The following CBLC variants were observed in gnomAD, a reference collection of about 807,000 sequenced individuals.
CBLC encodes the protein Cbl proto-oncogene C.
CBLC carries 46 observed loss-of-function variants against 58.6 expected under a neutral mutation model. The ratio of observed to expected loss-of-function variants is 0.79; its 90% CI spans 0.62 to 1.00. The LOEUF (loss-of-function observed/expected upper bound fraction) is 1.00, where lower values mean the gene tolerates loss of function less well. Ranked by LOEUF, CBLC falls within the 50% of genes least tolerant of loss-of-function variation. The probability of loss-of-function intolerance (pLI) is 0.00; values close to 1 mark genes in which losing one functional copy is unlikely to be tolerated. For missense variants in CBLC, 655 were observed against 625.8 expected, an observed-to-expected ratio of 1.05 and a Z score of -0.50; for synonymous variants, 271 against 264.2, an observed-to-expected ratio of 1.03 and a Z score of -0.25.
chr19:44,799,683 A>G (rs562214109), intron 9 of CBLC, among the ~76,000 whole-genome samples: 1 of 150,644 alleles, frequency 6.6e-6, no homozygotes, highest in Non-Finnish European at 1.5e-5. Context: ...AAAAAGAAAG[A>G]AAAGTAAAGA....
chr19:44,791,775 T>C (rs10424785), intron 6 of CBLC, among the ~76,000 whole-genome samples: 13,956 of 150,284 alleles, frequency 0.093, 1,106 homozygotes, highest in African/African-American at 0.21. Context: ...TAGGAGGCCA[T>C]TGGACATGCC....
chr19:44,787,340 G>A (rs907036896), intron 5 of CBLC, among the ~76,000 whole-genome samples: 2 of 152,136 alleles, frequency 1.3e-5, no homozygotes, highest in African/African-American at 4.8e-5. Context: ...CTTGCAGTGA[G>A]CCGAGATCGC....
At chr19:44,797,252 T>G (rs1486953437) in intron 9 of CBLC, among the ~76,000 whole-genome samples, 1 of 152,050 alleles carries the variant, frequency 6.6e-6, no homozygotes, top group African/African-American at 2.4e-5. Flanking sequence ...TAACTTTTGT[T>G]GTTGTTGTTG....
At chr19:44,795,675 C>T (rs1350926738) in intron 9 of CBLC, among the ~76,000 whole-genome samples, 2 of 152,084 alleles carry the variant, frequency 1.3e-5, no homozygotes, top group Admixed American at 6.5e-5. Flanking sequence ...CGCTGTCCCT[C>T]GGGGCCCTGC....
At chr19:44,799,924 G>T (rs1406207321) in intron 9 of CBLC, among the ~76,000 whole-genome samples, 1 of 152,156 alleles carries the variant, frequency 6.6e-6, no homozygotes, top group Non-Finnish European at 1.5e-5. Flanking sequence ...CACTGGAGAG[G>T]CTTGGGAACT....
intron 7 of CBLC, 31 bp downstream of exon 7, chr19:44,792,545 C>T (rs1968082543): frequency 6.4e-7 from 1 of 1,550,452 alleles, no homozygotes; most frequent in African/African-American, 1.4e-5. Context: ...GCCTTCCCCT[C>T]TGGTCTCCCC....
chr19:44,785,508 GTAGC>G (rs1967875575), intron 5 of CBLC, among the ~76,000 whole-genome samples: 1 of 149,172 alleles, frequency 6.7e-6, no homozygotes, highest in South Asian at 2.1e-4. Context: ...AGGAAGGTAG[GTAGC>G]TAGCTAGATA....
At chr19:44,791,695 G>T (rs1968053776) in intron 6 of CBLC, among the ~76,000 whole-genome samples, 1 of 147,938 alleles carries the variant, frequency 6.8e-6, no homozygotes, top group African/African-American at 2.5e-5. Context: ...TCGCGCCACT[G>T]CACTCCAGCC....
intron 5 of CBLC, among the ~76,000 whole-genome samples, chr19:44,785,561 T>C (rs193094006): frequency 1.4e-5 from 2 of 145,334 alleles, no homozygotes; most frequent in African/African-American, 5.1e-5. Context: ...GATAGATAGA[T>C]AGATAGATAG....
intron 9 of CBLC, among the ~76,000 whole-genome samples, chr19:44,796,762 T>C (rs2965114): frequency 0.021 from 3,238 of 152,174 alleles, 121 homozygotes; most frequent in African/African-American, 0.071. Context: ...GGACCCTGGA[T>C]TGCTGGGGAG....
intron 9 of CBLC, among the ~76,000 whole-genome samples, chr19:44,797,981 G>C (rs1968213732): frequency 6.6e-6 from 1 of 152,176 alleles, no homozygotes; most frequent in South Asian, 2.1e-4. Context: ...TCAGTGGTCA[G>C]TGTCACCGTG....
chr19:44,798,041 C>T (rs1968214893), intron 9 of CBLC, among the ~76,000 whole-genome samples: 1 of 152,114 alleles, frequency 6.6e-6, no homozygotes, highest in African/African-American at 2.4e-5. Context: ...TGTCTGCACG[C>T]TGCTGTTCTC....
chr19:44,777,882 C>T (rs1967605981), upstream of CBLC: 5 of 1,441,626 alleles, frequency 3.5e-6, no homozygotes, highest in Non-Finnish European at 4.5e-6. Flanking sequence ...CTGGGCGAGG[C>T]CGCCCCTATC....
At chr19:44,798,781 G>T (rs1968229579) in intron 9 of CBLC, among the ~76,000 whole-genome samples, 1 of 152,110 alleles carries the variant, frequency 6.6e-6, no homozygotes, top group African/African-American at 2.4e-5. Flanking sequence ...GCTCCCCAGG[G>T]CTCTAAGAAC....
chr19:44,782,361 C>T lies in CBLC; in HGVS notation c.658-9C>T. Reference sequence around the variant, plus strand: ...GTCGCTCCCTGACCCAAGCCCTGCCCCACCCCAGCCATGGCCAACACTCCT... The same window carrying T: ...GTCGCTCCCTGACCCAAGCCCTGCCTCACCCCAGCCATGGCCAACACTCCT... On this transcript the variant is annotated splice_polypyrimidine_tract_variant and intron_variant, in intron 3 of 10. Transcript: ENST00000647358. 1 of 1,613,644 alleles carries T rather than the reference C, an allele frequency of 6.2e-7. No homozygotes were observed. The highest frequency in any genetic ancestry group is 8.5e-7 in the Non-Finnish European group (1 of 1,179,726).
chr19:44,793,652 A>T, intron 8 of CBLC, 32 bp downstream of exon 8: 1 of 1,540,964 alleles, frequency 6.5e-7, no homozygotes, highest in African/African-American at 1.7e-5. Context: ...CTGGAATCCA[A>T]ATTCCTGAGG....
At chr19:44,782,512 C>G (rs1296133235) in intron 4 of CBLC, 21 bp downstream of exon 4, 1 of 1,603,492 alleles carries the variant, frequency 6.2e-7, no homozygotes, top group East Asian at 2.2e-5. Flanking sequence ...CAGGGCTCAG[C>G]AGAACAAGGC....
At chr19:44,795,881 C>T (rs1179304352) in intron 9 of CBLC, among the ~76,000 whole-genome samples, 2 of 152,256 alleles carry the variant, frequency 1.3e-5, no homozygotes, top group East Asian at 3.9e-4. Flanking sequence ...CAAATGAATA[C>T]ACTGAAGTGA....
intron 10 of CBLC, 29 bp from the exon 11 acceptor site, chr19:44,800,522 A>C: frequency 2.8e-5 from 26 of 926,836 alleles, no homozygotes; most frequent in Non-Finnish European, 4.3e-5. Context: ...AGGTGACCTC[A>C]TCTAACCCAC....
Sources: allele counts gnomAD v4.1 joint callset (sites outside exome capture counted in the v4.1 genomes callset), GRCh38; gene constraint gnomAD v4.1.1; transcripts MANE v1.5; gene names NCBI Gene and HGNC (gene_info 2026-07-23, HGNC 2026-07-21).